PARVB: variants seen among roughly 807,000 people sequenced by gnomAD.
PARVB encodes the protein beta-parvin.
In PARVB, 46 loss-of-function variants were observed where a neutral mutation model predicts 47.0. That is an observed-to-expected ratio of 0.98 (90% CI 0.77 to 1.25). PARVB has a LOEUF of 1.25. Among genes scored for constraint, PARVB ranks in the 50% most tolerant of loss-of-function variants. The pLI is 0.00. For missense variants in PARVB, 473 were observed against 471.6 expected, an observed-to-expected ratio of 1.00 and a Z score of -0.03; for synonymous variants, 196 against 196.3, an observed-to-expected ratio of 1.00 and a Z score of 0.01.
At chr22:44,118,387 A>G (rs5764090) in intron 3 of PARVB, among the ~76,000 whole-genome samples, 42,964 of 152,158 alleles carry the variant, frequency 0.28, 6,409 homozygotes, top group Middle Eastern at 0.46. Flanking sequence ...CGAATCACAC[A>G]CTTTTAAAGG....
chr22:44,163,706 C>T, intron 11 of PARVB, 152 bp from the exon 12 acceptor site: 1 of 569,940 alleles, frequency 1.8e-6, no homozygotes, highest in East Asian at 3.2e-5. Flanking sequence ...CGTGTCTGCC[C>T]ACCCTGTGGC....
intron 4 of PARVB, among the ~76,000 whole-genome samples, chr22:44,127,076 G>A (rs1055037101): frequency 6.6e-6 from 1 of 152,188 alleles, no homozygotes; most frequent in Non-Finnish European, 1.5e-5. Context: ...TTGTCCATGA[G>A]TCCTGCTATA....
At chr22:44,167,163 G>T (rs559342191) in intron 12 of PARVB, among the ~76,000 whole-genome samples, 1 of 152,226 alleles carries the variant, frequency 6.6e-6, no homozygotes, top group Admixed American at 6.5e-5. Context: ...GGAGACTCCA[G>T]TGGGGTCCCC....
intron 3 of PARVB, chr22:44,109,841 C>T (rs977693704): frequency 1.3e-5 from 2 of 152,024 alleles, no homozygotes; most frequent in African/African-American, 2.4e-5. Context: ...TGTCTGCAGG[C>T]CCAGGAGACC....
chr22:44,124,384 T>C (rs1327027255), intron 4 of PARVB, among the ~76,000 whole-genome samples: 3 of 152,200 alleles, frequency 2.0e-5, no homozygotes, highest in Admixed American at 6.5e-5. Context: ...ATCCCCAGCA[T>C]TGGTGGGGTC....
chr22:44,041,455 G>A (rs950174623), intron 1 of PARVB, among the ~76,000 whole-genome samples: 12 of 152,124 alleles, frequency 7.9e-5, no homozygotes, highest in African/African-American at 2.9e-4. Context: ...TTGTGCCACT[G>A]CACTCCGGCC....
At chr22:44,066,539 G>A (rs1280193028) in intron 1 of PARVB, among the ~76,000 whole-genome samples, 1 of 152,220 alleles carries the variant, frequency 6.6e-6, no homozygotes, top group Non-Finnish European at 1.5e-5. Context: ...CAGGGCTGCA[G>A]TGTTTCTCAC....
intron 8 of PARVB, chr22:44,146,077 GCACATGCTCACACACGCA>G (rs1171829696): frequency 6.6e-6 from 1 of 151,728 alleles, no homozygotes; most frequent in Non-Finnish European, 1.5e-5. Flanking sequence ...CCCCAGTCAC[GCACATGCTCACACACGCA>G]CACATGCGCT....
chr22:44,085,896 T>C (rs2052013158), intron 1 of PARVB, among the ~76,000 whole-genome samples: 1 of 152,244 alleles, frequency 6.6e-6, no homozygotes, highest in East Asian at 1.9e-4. Context: ...GTTTCAGCAG[T>C]GAGCTCTTGA....
chr22:44,129,679 G>T (rs889467708), intron 4 of PARVB, among the ~76,000 whole-genome samples: 3 of 152,230 alleles, frequency 2.0e-5, no homozygotes, highest in Non-Finnish European at 2.9e-5. Flanking sequence ...GGATGACTCA[G>T]CGAGGAGCTG....
chr22:44,021,273 C>T (rs2050644909), upstream of PARVB, among the ~76,000 whole-genome samples: 1 of 152,320 alleles, frequency 6.6e-6, no homozygotes, highest in East Asian at 1.9e-4. Flanking sequence ...AAATGGGGGT[C>T]CCGTGACCCT....
chr22:44,019,063 C>T (rs1444196543), intron 2 of PARVB, among the ~76,000 whole-genome samples: 1 of 148,904 alleles, frequency 6.7e-6, no homozygotes, highest in East Asian at 2.0e-4. Context: ...ATTATAGGCG[C>T]CTGCCACCAT....
rs750927434 is a variant in PARVB, at chr22:44,119,140, G to A, written c.376G>A (p.Glu126Lys). 19 of 1,608,148 alleles carry A rather than the reference G, an allele frequency of 1.2e-5. No individual in the cohort carries two copies. In the South Asian group the frequency reaches 2.1e-4, roughly 18 times the overall value. Residue 126 changes from glutamate (E) to lysine (K), a missense_variant and splice_region_variant, in exon 4 of 13, where the codon GAA becomes AAA. Glu to Lys is a moderately conservative substitution (Grantham distance 56, BLOSUM62 1). Transcript: ENST00000338758. ...CGGCCAGGTGCTGCAGAAGCTCTTG[G>A]GTGAGTTCACAGCAGGGACAGCTCT... The part of the protein sequence containing the change: ...YDGQVLQKLL[E>K]KLAGCKLNVA...
intron 2 of PARVB, among the ~76,000 whole-genome samples, chr22:44,099,002 A>G (rs111602854): frequency 0.027 from 4,058 of 152,216 alleles, 181 homozygotes; most frequent in African/African-American, 0.093. Flanking sequence ...TCTGACCGAC[A>G]TGGTCAGTGT....
At chr22:44,002,643 C>T (rs535948458) in intron 2 of PARVB, among the ~76,000 whole-genome samples, 6 of 152,070 alleles carry the variant, frequency 3.9e-5, no homozygotes, top group African/African-American at 1.4e-4. Flanking sequence ...CACAGGAGAA[C>T]ACTGTAAAGA....
chr22:44,150,143 C>G (rs5764101), intron 9 of PARVB: 1 of 150,886 alleles, frequency 6.6e-6, no homozygotes, highest in African/African-American at 2.5e-5. Flanking sequence ...GGCAACAGAG[C>G]GAGACTCCAT....
chr22:44,040,982 G>A (rs1405062571), intron 1 of PARVB, among the ~76,000 whole-genome samples: 1 of 151,670 alleles, frequency 6.6e-6, no homozygotes, highest in Admixed American at 6.6e-5. Flanking sequence ...CAGCCTGGGC[G>A]ACAGAGCAAG....
intron 2 of PARVB, among the ~76,000 whole-genome samples, chr22:44,017,855 G>A (rs772997477): frequency 1.3e-5 from 2 of 152,084 alleles, no homozygotes; most frequent in Admixed American, 6.5e-5. Context: ...CTGGGGGTCC[G>A]TGGGGTGCCA....
At position 44,131,621 on chromosome 22, in the gene PARVB, G is replaced by C; in HGVS notation, c.511G>C (p.Val171Leu). 1.2e-6 allele frequency: 2 copies of C among 1,610,854 alleles called. No homozygotes were observed. The highest frequency in any genetic ancestry group is 8.5e-7 in the Non-Finnish European group (1 of 1,178,724). The change falls in exon 5 of 13, where the codon GTG (valine) becomes CTG (leucine). Residue 171 changes from valine to leucine, a missense_variant. Val to Leu is a conservative substitution (Grantham distance 32). Transcript: ENST00000338758. ...CCGAGGCTGGGCGCTCCGGTGGAGCGTGGACTGTGAGTTCCACGCCACAGG... is the reference window on the plus strand; with the variant it reads ...CCGAGGCTGGGCGCTCCGGTGGAGCCTGGACTGTGAGTTCCACGCCACAGG... ...RPRGWALRWS[V>L]DSIHGKNLVA...
Sources: allele counts gnomAD v4.1 joint callset (sites outside exome capture counted in the v4.1 genomes callset), GRCh38; gene constraint gnomAD v4.1.1; transcripts MANE v1.5; gene names NCBI Gene and HGNC (gene_info 2026-07-23, HGNC 2026-07-21).